The following IPCEF1 variants were observed in gnomAD, a reference collection of about 807,000 sequenced individuals.
IPCEF1 encodes the protein interactor protein for cytohesin exchange factors 1.
A neutral mutation model predicts 50.9 loss-of-function variants in IPCEF1; 31 were observed. That is an observed-to-expected ratio of 0.61 (90% confidence interval 0.46 to 0.82). The LOEUF is 0.82. Among genes scored for constraint, IPCEF1 ranks in the 40% least tolerant of loss-of-function variants. IPCEF1 has a pLI of 0.00. For missense variants in IPCEF1, 458 were observed against 514.0 expected (o/e 0.89, Z 1.05); for synonymous variants, 181 against 192.0 (o/e 0.94, Z 0.47).
chr6:154,188,314 GAAAATAT>G (rs959457080), intron 10 of IPCEF1, among the ~76,000 whole-genome samples: 1 of 152,160 alleles, frequency 6.6e-6, no homozygotes, highest in Non-Finnish European at 1.5e-5. Context: ...ACTTTTCATA[GAAAATAT>G]AAATTGTGAA....
At chr6:154,288,333 A>G (rs1782413789) in intron 2 of IPCEF1, among the ~76,000 whole-genome samples, 1 of 152,256 alleles carries the variant, frequency 6.6e-6, no homozygotes, top group Admixed American at 6.5e-5. Flanking sequence ...GATTTCAGTT[A>G]TATCTATACA....
intron 1 of IPCEF1, among the ~76,000 whole-genome samples, chr6:154,318,645 A>T (rs901857867): frequency 6.8e-6 from 1 of 146,916 alleles, no homozygotes; most frequent in Non-Finnish European, 1.5e-5. Flanking sequence ...TGAGCCCAGG[A>T]GAGGCTGCAG....
chr6:154,174,685 A>C (rs138957585), intron 10 of IPCEF1, among the ~76,000 whole-genome samples: 5 of 152,176 alleles, frequency 3.3e-5, no homozygotes, highest in African/African-American at 1.2e-4. Context: ...GTCCTTAGAG[A>C]CCTACAAAGA....
At chr6:154,189,562 A>G (rs1383230905) in intron 10 of IPCEF1, among the ~76,000 whole-genome samples, 1 of 152,248 alleles carries the variant, frequency 6.6e-6, no homozygotes, top group East Asian at 1.9e-4. Context: ...CAAGATAGCT[A>G]GAAGATTTTG....
intron 7 of IPCEF1, chr6:154,216,955 A>T: frequency 6.1e-6 from 1 of 163,468 alleles, no homozygotes; most frequent in Non-Finnish European, 1.3e-5. Flanking sequence ...ACCTGACCCA[A>T]AAAACCCCAT....
intron 3 of IPCEF1, among the ~76,000 whole-genome samples, chr6:154,260,456 A>C (rs1378229575): frequency 6.8e-6 from 1 of 148,126 alleles, no homozygotes; most frequent in Admixed American, 7.0e-5. Context: ...CGTTACTAAA[A>C]TCTATCTAAG....
At chr6:154,283,709 C>T (rs1782286363) in intron 2 of IPCEF1, among the ~76,000 whole-genome samples, 1 of 152,104 alleles carries the variant, frequency 6.6e-6, no homozygotes, top group South Asian at 2.1e-4. Context: ...TCTAAAGAAA[C>T]AAGAACATTG....
At chr6:154,232,629 G>A (rs1037966462) in intron 5 of IPCEF1, among the ~76,000 whole-genome samples, 1 of 152,106 alleles carries the variant, frequency 6.6e-6, no homozygotes, top group Admixed American at 6.5e-5. Context: ...AACTGAAATG[G>A]GAGGAGGAGA....
chr6:154,185,082 TCAAGTTAA>T (rs1356534676), intron 10 of IPCEF1, among the ~76,000 whole-genome samples: 1 of 152,178 alleles, frequency 6.6e-6, no homozygotes, highest in African/African-American at 2.4e-5. Context: ...AGCTAGTCCT[TCAAGTTAA>T]AAAATATATC....
At position 154,256,340 on chromosome 6, in the gene IPCEF1, C is replaced by T. The variant is rs144795507; in HGVS notation, c.37-8852G>A. The stretch of plus-strand genomic sequence containing the variant: ...TGACCTAATTAACTCTCAAAGGTTC[C>T]GCCTCCTAAAATCATTACATTGGGG... On this transcript the variant is annotated intron_variant, in intron 3 of 11. Coordinates refer to ENST00000367220, the MANE Select transcript of IPCEF1 (RefSeq NM_001130700.2). Among the ~76,000 whole-genome samples the T allele has an allele frequency of 3.7e-3, 566 of 152,228 alleles. 9 individuals carry two copies. The highest frequency in any genetic ancestry group is 0.012 in the African/African-American group (501 of 41,530).
Position 154,154,570 on chromosome 6 carries a change from G to A in IPCEF1, c.*5258C>T, listed in dbSNP as rs1043221304. The A allele has an allele frequency of 6.6e-6, 1 of 152,044 alleles. No homozygotes were observed. Among genetic ancestry groups the A allele is most frequent in the Non-Finnish European group, 1.5e-5 (1 of 68,002 alleles). The allele number at this position is 152,044 out of a possible 1,614,324, so 9.4% of individuals were successfully genotyped here. On this transcript the variant is annotated 3_prime_UTR_variant, in exon 12 of 12. Coordinates refer to ENST00000367220, the MANE Select transcript of IPCEF1 (RefSeq NM_001130700.2). The stretch of plus-strand genomic sequence containing the variant: ...GCGATTTTGATGACTGCCACCAGAG[G>A]GCACTGTAACCTTGTTGTAGACGAT...
intron 5 of IPCEF1, among the ~76,000 whole-genome samples, chr6:154,236,169 A>G (rs905837439): frequency 6.6e-6 from 1 of 152,244 alleles, no homozygotes; most frequent in African/African-American, 2.4e-5. Context: ...ATATGAGTCA[A>G]TAAACAAAAT....
chr6:154,313,076 A>AAAAAAAAAAC (rs1783123206), intron 1 of IPCEF1, among the ~76,000 whole-genome samples: 1 of 149,618 alleles, frequency 6.7e-6, no homozygotes, highest in African/African-American at 2.5e-5. Context: ...TCAAAAAAAA[A>AAAAAAAAAAC]AAAAAAAAAA....
At chr6:154,335,535 G>A (rs1275538229) in intron 1 of IPCEF1, among the ~76,000 whole-genome samples, 1 of 152,130 alleles carries the variant, frequency 6.6e-6, no homozygotes, top group Non-Finnish European at 1.5e-5. Flanking sequence ...ACAACAGAGT[G>A]AAGATACAAC....
intron 1 of IPCEF1, among the ~76,000 whole-genome samples, chr6:154,314,287 C>T (rs1458054596): frequency 1.3e-5 from 2 of 152,050 alleles, no homozygotes; most frequent in Non-Finnish European, 2.9e-5. Flanking sequence ...AATATAAATG[C>T]CAATAGAAGA....
intron 1 of IPCEF1, among the ~76,000 whole-genome samples, chr6:154,339,635 A>C (rs1783862234): frequency 6.6e-6 from 1 of 151,710 alleles, no homozygotes. Flanking sequence ...TGTTACCCAG[A>C]CTGTAGTGCA....
At chr6:154,263,508 T>C (rs1357837102) in intron 3 of IPCEF1, among the ~76,000 whole-genome samples, 1 of 114,160 alleles carries the variant, frequency 8.8e-6, no homozygotes. Flanking sequence ...CCGCCCTTAA[T>C]CCATTCAACC....
chr6:154,337,912 T>C (rs1783823012), intron 1 of IPCEF1, among the ~76,000 whole-genome samples: 1 of 151,926 alleles, frequency 6.6e-6, no homozygotes, highest in Non-Finnish European at 1.5e-5. Flanking sequence ...CTTTGGACCA[T>C]GGTTCCTGCC....
At chr6:154,194,139 C>T (rs1442003748) in intron 10 of IPCEF1, among the ~76,000 whole-genome samples, 2 of 152,214 alleles carry the variant, frequency 1.3e-5, no homozygotes, top group Non-Finnish European at 2.9e-5. Context: ...GTGGCTCATG[C>T]CTGTAATCCC....
Sources: gnomAD v4.1 joint callset for allele counts (sites outside exome capture counted in the v4.1 genomes callset) on GRCh38, gnomAD v4.1.1 for gene constraint, MANE v1.5 for transcripts, NCBI Gene and HGNC (gene_info 2026-07-23, HGNC 2026-07-21) for gene names.